Variants in RPS6KA6 observed in about 807,000 individuals in gnomAD.
RPS6KA6 encodes the protein ribosomal protein S6 kinase A6, also known as ribosomal protein S6 kinase alpha-6.
In RPS6KA6, 27 loss-of-function variants were observed where a neutral mutation model predicts 65.4. The observed-to-expected ratio is 0.41, with a 90% CI of 0.30 to 0.57. The LOEUF is 0.57. RPS6KA6 is among the 20% of genes least tolerant of loss of function. The pLI, the probability that RPS6KA6 is intolerant of heterozygous loss-of-function variation, is 0.24. For missense variants in RPS6KA6, 486 were observed against 555.6 expected (o/e 0.87, Z 1.26); for synonymous variants, 190 against 184.2 (o/e 1.03, Z -0.26).
intron 18 of RPS6KA6, among the ~76,000 whole-genome samples, chrX:84,100,820 C>T (rs1424791111): frequency 1.8e-5 from 2 of 110,480 alleles, no homozygotes; most frequent in Non-Finnish European, 3.8e-5. Flanking sequence ...TCACATTCTC[C>T]GGATACATAC....
At chrX:84,134,379 T>C (rs1046837014) in intron 8 of RPS6KA6, among the ~76,000 whole-genome samples, 1 of 111,403 alleles carries the variant, frequency 9.0e-6, no homozygotes, top group African/African-American at 3.3e-5. Flanking sequence ...TATGATTCTA[T>C]TTCTATATCA....
intron 20 of RPS6KA6, among the ~76,000 whole-genome samples, chrX:84,089,272 A>C (rs923090870): frequency 1.8e-5 from 2 of 111,534 alleles, no homozygotes; most frequent in Non-Finnish European, 3.8e-5. Flanking sequence ...CAAACCAGAG[A>C]GTTGGTGGTC....
chrX:84,111,946 T>C (rs1377708275), intron 12 of RPS6KA6, among the ~76,000 whole-genome samples: 6 of 111,161 alleles, frequency 5.4e-5, no homozygotes, highest in Non-Finnish European at 9.4e-5. Flanking sequence ...ACCCACAGAA[T>C]AGCTAAGCAC....
At chrX:84,091,751 C>A (rs1395050180) in intron 20 of RPS6KA6, among the ~76,000 whole-genome samples, 1 of 111,862 alleles carries the variant, frequency 8.9e-6, no homozygotes, top group Non-Finnish European at 1.9e-5. Flanking sequence ...TGTATGTTCA[C>A]TGCAGCAGTA....
intron 12 of RPS6KA6, among the ~76,000 whole-genome samples, chrX:84,108,908 A>G (rs1482978133): frequency 8.9e-6 from 1 of 111,962 alleles, no homozygotes; most frequent in Non-Finnish European, 1.9e-5. Context: ...CTTCTAAATG[A>G]GGCCTCCCTT....
intron 1 of RPS6KA6, among the ~76,000 whole-genome samples, chrX:84,176,155 C>T (rs901345565): frequency 4.5e-5 from 5 of 111,578 alleles, no homozygotes; most frequent in Non-Finnish European, 9.4e-5. Context: ...ATGCAGCTTC[C>T]TGGTTTCTAT....
intron 20 of RPS6KA6, among the ~76,000 whole-genome samples, chrX:84,084,061 T>C (rs1269473598): frequency 8.9e-6 from 1 of 112,290 alleles, no homozygotes; most frequent in Non-Finnish European, 1.9e-5. Flanking sequence ...AACTTTTGAA[T>C]GTTTTCTTGT....
intron 18 of RPS6KA6, among the ~76,000 whole-genome samples, chrX:84,098,627 A>C (rs2034201247): frequency 9.0e-6 from 1 of 111,295 alleles, no homozygotes; most frequent in African/African-American, 3.2e-5. Context: ...AACAAAATAG[A>C]AACATTATTA....
At chrX:84,170,071 G>A (rs1733825049) in intron 1 of RPS6KA6, among the ~76,000 whole-genome samples, 1 of 106,579 alleles carries the variant, frequency 9.4e-6, no homozygotes, top group African/African-American at 3.4e-5. Flanking sequence ...ATGGGAGGCT[G>A]AGGCACAACT....
In RPS6KA6 at chrX:84,107,041, C is replaced by T; in HGVS notation, c.1112-1G>A. ...GCACTGGCTGGCAAACCGGGAGAATCTAATGTCCAAATAATTACATTTAAT... is the reference window on the plus strand; with the variant it reads ...GCACTGGCTGGCAAACCGGGAGAATTTAATGTCCAAATAATTACATTTAAT... On this transcript the variant is annotated splice_acceptor_variant, in intron 13 of 21. Transcript: ENST00000262752. LOFTEE classifies it high-confidence loss of function. 8.4e-7 allele frequency: 1 copy of T among 1,188,886 alleles called. No homozygotes were observed. The highest frequency in any genetic ancestry group is 1.1e-6 in the Non-Finnish European group (1 of 882,766).
chrX:84,156,490 C>A (rs1333717029), intron 2 of RPS6KA6, among the ~76,000 whole-genome samples: 1 of 111,249 alleles, frequency 9.0e-6, no homozygotes, highest in African/African-American at 3.3e-5. Context: ...AGTCTCAAGA[C>A]CCTTCAATGG....
chrX:84,164,339 C>A lies in RPS6KA6; in HGVS notation c.130G>T (p.Asp44Tyr). 3.4e-6 allele frequency: 4 copies of A among 1,189,951 alleles called. No homozygotes were observed. Among genetic ancestry groups the A allele is most frequent in the South Asian group, 1.8e-5 (1 of 55,377 alleles). The change falls in exon 2 of 22, where the codon GAT (aspartate) becomes TAT (tyrosine). Residue 44 changes from aspartate (D) to tyrosine (Y), a missense_variant. Physicochemically the swap from Asp to Tyr is radical, Grantham distance 160 (BLOSUM62 -3). Coordinates refer to ENST00000262752, the MANE Select transcript of RPS6KA6 (RefSeq NM_014496.5). ...VDEPMEEGEA[D>Y]SCHDEGVVKE... Reference sequence around the variant, plus strand: ...ACATAAATACTTACATGACAAGAATCTGCTTCTCCCTCTTCCATTGGCTCA... The same window carrying A: ...ACATAAATACTTACATGACAAGAATATGCTTCTCCCTCTTCCATTGGCTCA...
intron 1 of RPS6KA6, among the ~76,000 whole-genome samples, chrX:84,182,632 A>C (rs1362801825): frequency 2.7e-5 from 3 of 111,823 alleles, no homozygotes; most frequent in Non-Finnish European, 5.6e-5. Flanking sequence ...TTGATGAACT[A>C]ATCAAGGTAG....
chrX:84,103,004 G>C (rs949493666), intron 17 of RPS6KA6, among the ~76,000 whole-genome samples: 3 of 110,912 alleles, frequency 2.7e-5, no homozygotes, highest in Non-Finnish European at 5.7e-5. Flanking sequence ...CAGAGCTGCT[G>C]GCCCCAAAAC....
rs953832486 is a variant in RPS6KA6, at chrX:84,060,323, ATTTTTTTT to A, written c.*3946_*3953del. The A allele has an allele frequency of 1.1e-5, 1 of 89,802 alleles. No individual in the cohort carries two copies. The highest frequency in any genetic ancestry group is 3.5e-4 in the East Asian group (1 of 2,856). The allele number at this position is 89,802 out of a possible 1,213,427, so 7.4% of individuals were successfully genotyped here. A position where few individuals can be genotyped will look rare whatever the true frequency, so the allele number is the denominator to read the frequency against. On this transcript the variant is annotated 3_prime_UTR_variant, in exon 22 of 22. Transcript: ENST00000262752. ...CCAATATATACTTAATATGGCTTGC[ATTTTTTTT>A]TTTTTTTTTTTGAAATAACATTGTG...
chrX:84,092,276 G>T (rs1031302610), intron 20 of RPS6KA6, among the ~76,000 whole-genome samples: 4 of 110,624 alleles, frequency 3.6e-5, no homozygotes, highest in Non-Finnish European at 7.6e-5. Flanking sequence ...AAAGCACCAG[G>T]TGCTACATGA....
At chrX:84,131,424 T>C (rs1197377024) in intron 8 of RPS6KA6, among the ~76,000 whole-genome samples, 1 of 112,428 alleles carries the variant, frequency 8.9e-6, no homozygotes, top group Non-Finnish European at 1.9e-5. Context: ...CTATGTTCTC[T>C]CTGTATACTG....
intron 8 of RPS6KA6, among the ~76,000 whole-genome samples, chrX:84,127,702 A>G (rs1265975538): frequency 9.0e-6 from 1 of 111,016 alleles, no homozygotes; most frequent in East Asian, 2.8e-4. Context: ...ACCAACAAAA[A>G]GAAGGACAAA....
intron 12 of RPS6KA6, 77 bp from the exon 13 acceptor site, chrX:84,107,802 A>G (rs1302523195): frequency 4.0e-6 from 2 of 506,167 alleles, no homozygotes; most frequent in Admixed American, 3.8e-5. Context: ...AAAGCAGAAC[A>G]TAATATTCAC....
Sources: gnomAD v4.1 joint callset for allele counts (sites outside exome capture counted in the v4.1 genomes callset) on GRCh38, gnomAD v4.1.1 for gene constraint, MANE v1.5 for transcripts, NCBI Gene and HGNC (gene_info 2026-07-23, HGNC 2026-07-21) for gene names.